Variants in AHNAK observed in about 807,000 individuals in gnomAD.
AHNAK encodes AHNAK nucleoprotein.
AHNAK carries 23 observed loss-of-function variants against 37.8 expected under a neutral mutation model. The observed-to-expected ratio is 0.61, with a 90% confidence interval of 0.44 to 0.86. The LOEUF (loss-of-function observed/expected upper bound fraction) is 0.86, where lower values mean the gene tolerates loss of function less well. Among genes scored for constraint, AHNAK ranks in the 40% least tolerant of loss-of-function variants. The probability of loss-of-function intolerance (pLI) is 0.00; values close to 1 mark genes in which losing one functional copy is unlikely to be tolerated. For synonymous variants in AHNAK, 2,481 were observed against 2,636.3 expected, an observed-to-expected ratio of 0.94 and a Z score of 1.80; for missense variants, 7,411 against 7,319.4, an observed-to-expected ratio of 1.01 and a Z score of -0.46.
In AHNAK at chr11:62,526,097, T is replaced by C. The variant is rs758085552; in HGVS notation, c.8320A>G (p.Ile2774Val). 1.8e-5 allele frequency: 28 copies of C among 1,598,970 alleles called. No individual in the cohort carries two copies. The South Asian group carries it at 2.5e-4, about 15-fold the overall frequency. ...TCTCCTTTGAAGCCAGGCATGCTGA[T>C]CTTGGGCATTTTTATCTTGGGCATC... is the stretch of plus-strand genomic sequence containing the variant. Reference protein sequence around the residue: ...LKMPKIKMPKISMPGFKGEGP... With the variant: ...LKMPKIKMPKVSMPGFKGEGP... The change falls in exon 5 of 5, where the codon ATC becomes GTC. Residue 2774 changes from isoleucine to valine, a missense_variant. Coordinates refer to ENST00000378024, the MANE Select transcript of AHNAK (RefSeq NM_001620.3).
rs747898360 is a variant in AHNAK, at chr11:62,524,560, A to G, written c.9857T>C (p.Met3286Thr). Reference sequence around the variant, plus strand: ...GGAGATCTTGGGCATGTTTACATGCATGTCAGGCATCTTCAGTTTTGGACC... The same window carrying G: ...GGAGATCTTGGGCATGTTTACATGCGTGTCAGGCATCTTCAGTTTTGGACC... Reference protein sequence around the residue: ...LKGPKLKMPDMHVNMPKISMP... With the variant: ...LKGPKLKMPDTHVNMPKISMP... The change falls in exon 5 of 5, where the codon ATG (methionine) becomes ACG (threonine). Residue 3286 changes from methionine (M) to threonine (T), a missense_variant. Coordinates refer to ENST00000378024, the MANE Select transcript of AHNAK (RefSeq NM_001620.3). 1.1e-5 allele frequency: 18 copies of G among 1,613,640 alleles called. No individual in the cohort carries two copies. The African/African-American group carries it at 1.2e-4, about 11-fold the overall frequency.
At chr11:62,434,592 G>A (rs1938118482) in intron 5 of AHNAK, among the ~76,000 whole-genome samples, 1 of 152,210 alleles carries the variant, frequency 6.6e-6, no homozygotes, top group Non-Finnish European at 1.5e-5. Flanking sequence ...TACACCTCCT[G>A]CGCTCAAGAA....
chr11:62,498,479 C>T (rs1939654887), intron 4 of AHNAK, among the ~76,000 whole-genome samples: 1 of 147,566 alleles, frequency 6.8e-6, no homozygotes, highest in South Asian at 2.1e-4. Flanking sequence ...ATCTTTGGGG[C>T]CAGACATAGT....
chr11:62,495,866 T>C (rs1234823297), intron 4 of AHNAK, among the ~76,000 whole-genome samples: 1 of 151,612 alleles, frequency 6.6e-6, no homozygotes, highest in African/African-American at 2.4e-5. Flanking sequence ...CTGGCCAACA[T>C]GATGAAACCT....
intron 5 of AHNAK, among the ~76,000 whole-genome samples, chr11:62,448,053 G>A (rs181796339): frequency 7.2e-4 from 109 of 152,174 alleles, no homozygotes; most frequent in African/African-American, 2.3e-3. Context: ...AGCCAGCCAC[G>A]CAAAGGCAAG....
chr11:62,491,655 G>T (rs1939505756), intron 5 of AHNAK: 11 of 1,384,900 alleles, frequency 7.9e-6, no homozygotes, highest in Non-Finnish European at 1.0e-5. Context: ...GCCCAGGCAG[G>T]CATGCCCATC....
At chr11:62,515,811 C>G, downstream of AHNAK, 1 of 921,754 alleles carries the variant, frequency 1.1e-6, no homozygotes, top group Non-Finnish European at 1.3e-6. Context: ...AGCAATGCCA[C>G]CAGATGGATC....
rs1940023983 is a variant in AHNAK, at chr11:62,516,564, G to A, written c.*180C>T. 6.9e-7 allele frequency: 1 copy of A among 1,454,396 alleles called. No homozygotes were observed. The highest frequency in any genetic ancestry group is 1.5e-5 in the South Asian group (1 of 65,774). 90.1% of individuals were successfully genotyped at this position (1,454,396 alleles called of 1,614,324 possible). The stretch of plus-strand genomic sequence containing the variant: ...CGAACTTGGAACTCTTTACCTATCT[G>A]TATAGTTCCAGGAGCCTACAGGCGG... On this transcript the variant is annotated 3_prime_UTR_variant, in exon 5 of 5. Coordinates refer to ENST00000378024, the MANE Select transcript of AHNAK (RefSeq NM_001620.3).
intron 5 of AHNAK, among the ~76,000 whole-genome samples, chr11:62,473,424 G>A (rs564871906): frequency 3.3e-5 from 5 of 149,912 alleles, no homozygotes; most frequent in South Asian, 2.1e-4. Context: ...GGCTGGGTGC[G>A]GTGGCTCACG....
chr11:62,462,983 T>A (rs367586836), intron 5 of AHNAK, among the ~76,000 whole-genome samples: 1 of 151,646 alleles, frequency 6.6e-6, no homozygotes, highest in East Asian at 1.9e-4. Context: ...ATACAAAAAT[T>A]AGCCGGGCGT....
At position 62,531,703 on chromosome 11, in the gene AHNAK, T is replaced by A. The variant is rs753958493; in HGVS notation, c.2714A>T (p.Asp905Val). 1 of 1,614,200 alleles carries A rather than the reference T, an allele frequency of 6.2e-7. No individual in the cohort carries two copies. Among genetic ancestry groups the A allele is most frequent in the Non-Finnish European group, 8.5e-7 (1 of 1,180,034 alleles). ...CACCTTGGGTCCTGAGATGTCCACA[T>A]CAGCCTTGGGCAGGTTCACATCCAC... ...PEVDVNLPKADVDISGPKVGV... is the reference protein window; with the variant it reads ...PEVDVNLPKAVVDISGPKVGV... The change falls in exon 5 of 5, where the codon GAT (aspartate) becomes GTT (valine). Residue 905 changes from aspartate to valine, a missense_variant. By Grantham distance (152) the Asp-to-Val change is radical. Coordinates refer to ENST00000378024, the MANE Select transcript of AHNAK (RefSeq NM_001620.3).
chr11:62,463,748 GT>G (rs1938842777), intron 5 of AHNAK, among the ~76,000 whole-genome samples: 1 of 151,374 alleles, frequency 6.6e-6, no homozygotes, highest in Non-Finnish European at 1.5e-5. Flanking sequence ...TGGTTGGTTT[GT>G]TTTGGGTTTT....
At chr11:62,438,073 G>A (rs886526109) in intron 5 of AHNAK, among the ~76,000 whole-genome samples, 10 of 151,822 alleles carry the variant, frequency 6.6e-5, no homozygotes, top group African/African-American at 1.9e-4. Flanking sequence ...ATTTCCCAGC[G>A]CATTTGCATT....
intron 5 of AHNAK, among the ~76,000 whole-genome samples, chr11:62,490,197 CTTTTTT>C (rs944550481): frequency 1.6e-3 from 187 of 115,926 alleles, no homozygotes; most frequent in Admixed American, 3.9e-3. Context: ...TTTTCTTTTT[CTTTTTT>C]TTTTTTTTTT....
At position 62,478,162 on chromosome 11, in the gene AHNAK, TC is replaced by T. The variant is rs1590615179; in HGVS notation, c.442+13569del. ...CCAGGTGGTTTCTTAGAATGGCCTC[TC>T]ACCACCACCCGCAGCCTCACCCAGC... On this transcript the variant is annotated intron_variant, in intron 5 of 5. Coordinates refer to the AHNAK transcript ENST00000257247. 3.9e-5 allele frequency among the ~76,000 whole-genome samples: 6 copies of T among 152,278 alleles called. No homozygotes were observed. In the East Asian group the frequency reaches 1.2e-3, roughly 29 times the overall value.
In AHNAK at chr11:62,519,674, T is replaced by C. The variant is rs766516318; in HGVS notation, c.14743A>G (p.Lys4915Glu). 1.2e-5 allele frequency: 20 copies of C among 1,614,006 alleles called. No homozygotes were observed. The highest frequency in any genetic ancestry group is 1.5e-5 in the Non-Finnish European group (18 of 1,179,970). The stretch of plus-strand genomic sequence containing the variant: ...AAATCAACATCAGGAGCAGTTACTT[T>C]AGGAGCAGATATCTCCAGCGATGGC... ...KMPSLEISAP[K>E]VTAPDVDLHL... The change falls in exon 5 of 5, where the codon AAA (lysine) becomes GAA (glutamate). Residue 4915 changes from lysine (K) to glutamate (E), a missense_variant. Coordinates refer to ENST00000378024, the MANE Select transcript of AHNAK (RefSeq NM_001620.3).
In AHNAK at chr11:62,532,379, G is replaced by A. The variant is rs368973941; in HGVS notation, c.2038C>T (p.Leu680Phe). 26 of 1,613,964 alleles carry A rather than the reference G, an allele frequency of 1.6e-5. No individual in the cohort carries two copies. Among genetic ancestry groups the A allele is most frequent in the African/African-American group, 9.3e-5 (7 of 74,878 alleles). ...GGCAGCTTAACATCGGGGCCTTTAA[G>A]TTTTCCCCCCAGACCCTCCAAGTTG... ...DVNLEGLGGK[L>F]KGPDVKLPDM... Residue 680 changes from leucine to phenylalanine, a missense_variant, in exon 5 of 5, where the codon CTT (leucine) becomes TTT (phenylalanine). Transcript: ENST00000378024.
At chr11:62,512,381 C>T (rs529662157), downstream of AHNAK, among the ~76,000 whole-genome samples, 4 of 152,312 alleles carry the variant, frequency 2.6e-5, no homozygotes, top group East Asian at 1.9e-4. The surrounding 1 kb of genome is among the most constrained non-coding windows in gnomAD (Gnocchi z 4.0). Flanking sequence ...CTCCAGTGCA[C>T]GCTGGACTTC....
intron 5 of AHNAK, among the ~76,000 whole-genome samples, chr11:62,477,689 C>T (rs1939179757): frequency 6.6e-6 from 1 of 152,140 alleles, no homozygotes; most frequent in South Asian, 2.1e-4. Context: ...GTAGTCCCAG[C>T]TACTAGGGAG....
Sources: allele counts gnomAD v4.1 joint callset (sites outside exome capture counted in the v4.1 genomes callset), GRCh38; gene constraint gnomAD v4.1.1; non-coding constraint Gnocchi (gnomAD v3.1); transcripts MANE v1.5; gene names NCBI Gene and HGNC (gene_info 2026-07-23, HGNC 2026-07-21).